The following PCDH15 variants were observed in gnomAD, a reference collection of about 807,000 sequenced individuals.
PCDH15 encodes protocadherin related 15.
In PCDH15, 129 loss-of-function variants were observed where a neutral mutation model predicts 178.5. That is an observed-to-expected ratio of 0.72 (90% confidence interval 0.63 to 0.84). The LOEUF (loss-of-function observed/expected upper bound fraction) is 0.84, where lower values mean the gene tolerates loss of function less well. Ranked by LOEUF, PCDH15 falls within the 40% of genes least tolerant of loss-of-function variation. The pLI is 0.00. For missense variants in PCDH15, 2,230 were observed against 2,099.9 expected (o/e 1.06, Z -1.21); for synonymous variants, 800 against 732.0 (o/e 1.09, Z -1.50).
At chr10:54,051,088 G>A (rs2093762961) in intron 18 of PCDH15, among the ~76,000 whole-genome samples, 1 of 152,176 alleles carries the variant, frequency 6.6e-6, no homozygotes, top group Non-Finnish European at 1.5e-5. Context: ...GCTGAACTGT[G>A]AGTCAATTAA....
At chr10:54,199,118 T>C (rs533100703) in intron 10 of PCDH15, among the ~76,000 whole-genome samples, 1 of 152,122 alleles carries the variant, frequency 6.6e-6, no homozygotes, top group Non-Finnish European at 1.5e-5. Flanking sequence ...CTATAAAAAT[T>C]ACATATAAAG....
chr10:53,874,476 G>C (rs1378233444), intron 26 of PCDH15, among the ~76,000 whole-genome samples: 3 of 152,080 alleles, frequency 2.0e-5, no homozygotes. Context: ...AACTCAAGGA[G>C]AAATCATAAT....
chr10:55,417,120 AT>A (rs1241569291), intron 2 of PCDH15, among the ~76,000 whole-genome samples: 1 of 151,804 alleles, frequency 6.6e-6, no homozygotes, highest in Non-Finnish European at 1.5e-5. Context: ...ACATTTGGAA[AT>A]TGTATCATAT....
intron 1 of PCDH15, among the ~76,000 whole-genome samples, chr10:55,281,381 T>A (rs933710920): frequency 1.6e-4 from 24 of 152,098 alleles, no homozygotes; most frequent in Non-Finnish European, 3.1e-4. Flanking sequence ...TGTTTTTTTT[T>A]AATCTCACCC....
rs143312952 is a variant in PCDH15 at position 55,547,342 on chromosome 10, G to A, written c.-156+80283C>T. Among the ~76,000 whole-genome samples, 1,497 of 152,256 alleles carry A rather than the reference G, an allele frequency of 9.8e-3. 32 individuals are homozygous for A. Among genetic ancestry groups the A allele is most frequent in the African/African-American group, 0.034 (1,433 of 41,544 alleles). On this transcript the variant is annotated intron_variant, in intron 2 of 5. Coordinates refer to the PCDH15 transcript ENST00000613346. ...GAGAAACATACACACATTAGAGTAA[G>A]ATGCTGTGAGGACCCAAGAAAGGGA...
intron 2 of PCDH15, among the ~76,000 whole-genome samples, chr10:55,026,699 G>C (rs1406249666): frequency 6.6e-6 from 1 of 151,842 alleles, no homozygotes; most frequent in African/African-American, 2.4e-5. Context: ...GAATGAGGGG[G>C]AGAAATTGAA....
intron 2 of PCDH15, among the ~76,000 whole-genome samples, chr10:55,092,300 T>C (rs1303929048): frequency 6.6e-6 from 1 of 151,862 alleles, no homozygotes; most frequent in Non-Finnish European, 1.5e-5. Context: ...CAACCAGAGA[T>C]GGTAAAGCTA....
intron 1 of PCDH15, among the ~76,000 whole-genome samples, chr10:55,233,927 A>G (rs1471871217): frequency 6.6e-6 from 1 of 152,158 alleles, no homozygotes; most frequent in East Asian, 1.9e-4. Context: ...AATAAAGAAG[A>G]TGAACGAGTA....
rs551038609 is a variant in PCDH15 at position 55,297,417 on chromosome 10, T to A, written c.-156+22182A>T. On this transcript the variant is annotated intron_variant, in intron 1 of 5. Transcript: ENST00000458638. Reference sequence around the variant, plus strand: ...GAATTCACAGAACCATGTCACTGATTTTCCTTTTCTCTATATTACATTGTT... The same window carrying A: ...GAATTCACAGAACCATGTCACTGATATTCCTTTTCTCTATATTACATTGTT... Among the ~76,000 whole-genome samples, 225 of 152,266 alleles carry A rather than the reference T, an allele frequency of 1.5e-3. 1 individual carries two copies. The highest frequency in any genetic ancestry group is 5.3e-3 in the African/African-American group (220 of 41,578).
intron 1 of PCDH15, among the ~76,000 whole-genome samples, chr10:55,239,980 C>T (rs1490306652): frequency 6.6e-6 from 1 of 152,090 alleles, no homozygotes; most frequent in African/African-American, 2.4e-5. Context: ...ATCAAATCTA[C>T]AATGAGACAT....
chr10:54,720,208 G>A (rs1037763908), intron 1 of PCDH15, among the ~76,000 whole-genome samples: 2 of 151,950 alleles, frequency 1.3e-5, no homozygotes, highest in African/African-American at 2.4e-5. Flanking sequence ...ATACCCAAAG[G>A]AATATAAATC....
intron 31 of PCDH15, among the ~76,000 whole-genome samples, chr10:53,828,207 C>CAAAAAAAAAAAAAAAAA (rs71004480): frequency 4.1e-4 from 22 of 53,772 alleles, no homozygotes; most frequent in African/African-American, 1.5e-3. Flanking sequence ...AAGTCCGTCT[C>CAAAAAAAAAAAAAAAAA]AAAAAAAAAA....
chr10:55,372,597 G>A (rs1407872156), intron 2 of PCDH15, among the ~76,000 whole-genome samples: 1 of 152,040 alleles, frequency 6.6e-6, no homozygotes, highest in Admixed American at 6.6e-5. Context: ...AGCAAGAGGA[G>A]GCTTTTCACA....
chr10:55,245,641 C>G (rs764394373), intron 1 of PCDH15, among the ~76,000 whole-genome samples: 6 of 151,994 alleles, frequency 3.9e-5, no homozygotes, highest in African/African-American at 1.4e-4. Flanking sequence ...CAAACAGAGG[C>G]GAATACTCTG....
At chr10:55,052,251 C>T (rs1187380959) in intron 2 of PCDH15, among the ~76,000 whole-genome samples, 1 of 151,700 alleles carries the variant, frequency 6.6e-6, no homozygotes, top group African/African-American at 2.4e-5. Context: ...CCACGCCCAG[C>T]TTATTTTTTT....
chr10:55,621,799 G>T (rs1837395322), intron 2 of PCDH15, among the ~76,000 whole-genome samples: 1 of 149,806 alleles, frequency 6.7e-6, no homozygotes, highest in Admixed American at 6.7e-5. Context: ...GGGTACATGT[G>T]GTAATTACAA....
chr10:54,788,543 T>C (rs1445932684), intron 1 of PCDH15, among the ~76,000 whole-genome samples: 1 of 151,900 alleles, frequency 6.6e-6, no homozygotes, highest in East Asian at 1.9e-4. Context: ...AATAAGAAAG[T>C]ATATCTGAGA....
In PCDH15 at chr10:54,354,356, C is replaced by T. The variant is rs576904065; in HGVS notation, c.475-7872G>A. On this transcript the variant is annotated intron_variant, in intron 5 of 37. Coordinates refer to ENST00000644397, the MANE Select transcript of PCDH15 (RefSeq NM_001384140.1). Reference sequence around the variant, plus strand: ...AAAACAGCTAAAAAATTGATTCCCACGTACATGCTTAAAGTAAAAAGAAAT... The same window carrying T: ...AAAACAGCTAAAAAATTGATTCCCATGTACATGCTTAAAGTAAAAAGAAAT... 2.6e-5 allele frequency among the ~76,000 whole-genome samples: 4 copies of T among 152,296 alleles called. No individual in the cohort carries two copies. The South Asian group carries it at 8.3e-4, about 32-fold the overall frequency.
intron 2 of PCDH15, among the ~76,000 whole-genome samples, chr10:55,484,263 A>G (rs1303727497): frequency 6.6e-6 from 1 of 151,718 alleles, no homozygotes; most frequent in Non-Finnish European, 1.5e-5. Flanking sequence ...TATGTTGCAA[A>G]CCTGCACTTG....
Sources: allele counts gnomAD v4.1 joint callset (sites outside exome capture counted in the v4.1 genomes callset), GRCh38; gene constraint gnomAD v4.1.1; transcripts MANE v1.5; gene names NCBI Gene and HGNC (gene_info 2026-07-23, HGNC 2026-07-21).